FAT3: variants seen among roughly 807,000 people sequenced by gnomAD.
The protein encoded by FAT3 is protocadherin Fat 3.
FAT3 carries 95 observed loss-of-function variants against 310.2 expected under a neutral mutation model. The observed-to-expected ratio is 0.31, with a 90% confidence interval of 0.26 to 0.36. The LOEUF (loss-of-function observed/expected upper bound fraction) is 0.36, where lower values mean the gene tolerates loss of function less well. FAT3 is among the 10% of genes least tolerant of loss of function. The pLI, the probability that FAT3 is intolerant of heterozygous loss-of-function variation, is 1.00. For missense variants in FAT3, 5,408 were observed against 5,715.6 expected, an observed-to-expected ratio of 0.95 and a Z score of 1.74; for synonymous variants, 2,314 against 2,192.9, an observed-to-expected ratio of 1.06 and a Z score of -1.54.
At chr11:92,587,898 C>G (rs983986854) in intron 3 of FAT3, among the ~76,000 whole-genome samples, 1 of 152,014 alleles carries the variant, frequency 6.6e-6, no homozygotes, top group Non-Finnish European at 1.5e-5. Flanking sequence ...TATCTAAAGC[C>G]AAATCTAAAC....
chr11:92,869,196 C>G (rs912561845), intron 22 of FAT3, among the ~76,000 whole-genome samples: 1 of 152,264 alleles, frequency 6.6e-6, no homozygotes, highest in Non-Finnish European at 1.5e-5. Context: ...TCACCTTCAT[C>G]TACACAGTTC....
chr11:92,239,816 A>G (rs1708308830), intron 1 of FAT3, among the ~76,000 whole-genome samples: 1 of 152,116 alleles, frequency 6.6e-6, no homozygotes, highest in Non-Finnish European at 1.5e-5. Context: ...ATTTGCATAA[A>G]AGAGTCTTTG....
chr11:92,536,415 A>G (rs935243446), intron 3 of FAT3, among the ~76,000 whole-genome samples: 9 of 152,150 alleles, frequency 5.9e-5, no homozygotes, highest in Non-Finnish European at 1.0e-4. Context: ...TTGCATTTTG[A>G]TCCCAGCTTC....
chr11:92,890,911 A>G lies in FAT3; in HGVS notation c.13568A>G (p.Gln4523Arg), dbSNP rs2136448243. ...EFSTFAVSMNQGTEPTGPADS... is the reference protein window; with the variant it reads ...EFSTFAVSMNRGTEPTGPADS... ...AGTACTTTTGCTGTGAGCATGAACC[A>G]GGGCACAGAGCCCACAGGCCCAGCA... Residue 4523 changes from glutamine to arginine, a missense_variant, in exon 28 of 28, where the codon CAG becomes CGG. This residue lies in a region of FAT3 where 649 missense variants were observed against 666.2 expected (regional missense o/e 0.97). Coordinates refer to ENST00000525166, the MANE Select transcript of FAT3 (RefSeq NM_001367949.2). The G allele has an allele frequency of 1.2e-6, 2 of 1,614,030 alleles. No individual in the cohort carries two copies. The highest frequency in any genetic ancestry group is 1.7e-6 in the Non-Finnish European group (2 of 1,179,878).
chr11:92,615,604 G>T (rs1591523445), intron 3 of FAT3, among the ~76,000 whole-genome samples: 1 of 152,206 alleles, frequency 6.6e-6, no homozygotes, highest in Non-Finnish European at 1.5e-5. Context: ...GCTTTCTCTT[G>T]TGGGCATTTA....
At position 92,355,428 on chromosome 11, in the gene FAT3, G is replaced by A. The variant is rs370352970; in HGVS notation, c.3292+24G>A. 7 of 1,583,310 alleles carry A rather than the reference G, an allele frequency of 4.4e-6. No individual in the cohort carries two copies. In the African/African-American group the frequency reaches 6.7e-5, roughly 15 times the overall value. On this transcript the variant is annotated intron_variant, in intron 2 of 27. Coordinates refer to ENST00000525166, the MANE Select transcript of FAT3 (RefSeq NM_001367949.2). ...TGGTAAGTGTAATATTTTGTGCCAA[G>A]AGTGTTGTTTCACCTCTTTTAAATG...
chr11:92,643,417 A>G (rs925445779), intron 3 of FAT3, among the ~76,000 whole-genome samples: 1 of 152,204 alleles, frequency 6.6e-6, no homozygotes, highest in Admixed American at 6.5e-5. Context: ...GAAAGTTTGT[A>G]GGTTTTTCAT....
At chr11:92,703,886 GT>G (rs760488758) in intron 4 of FAT3, among the ~76,000 whole-genome samples, 9 of 152,174 alleles carry the variant, frequency 5.9e-5, no homozygotes, top group Admixed American at 1.3e-4. Context: ...ATTAGCTGCT[GT>G]CTTGGCATCA....
At chr11:92,365,798 C>T (rs1366697023) in intron 2 of FAT3, among the ~76,000 whole-genome samples, 4 of 152,204 alleles carry the variant, frequency 2.6e-5, no homozygotes, top group Non-Finnish European at 4.4e-5. Context: ...ACTCCTACCC[C>T]TCATAGGTCA....
intron 1 of FAT3, among the ~76,000 whole-genome samples, chr11:92,269,203 G>A (rs910074479): frequency 1.3e-5 from 2 of 150,096 alleles, no homozygotes; most frequent in Non-Finnish European, 1.5e-5. Context: ...GATATGACTC[G>A]CAATGTTGAC....
intron 1 of FAT3, among the ~76,000 whole-genome samples, chr11:92,265,530 G>T (rs1013491243): frequency 6.6e-5 from 10 of 152,072 alleles, no homozygotes; most frequent in Admixed American, 5.9e-4. Context: ...TCTGGTGTGG[G>T]GTTGGGAGAA....
intron 22 of FAT3, among the ~76,000 whole-genome samples, chr11:92,870,320 G>T (rs1416057728): frequency 6.6e-6 from 1 of 152,172 alleles, no homozygotes; most frequent in Non-Finnish European, 1.5e-5. Context: ...ACAGTCAGCA[G>T]GTTTGATCAG....
At chr11:92,333,572 G>T (rs1410420238) in intron 1 of FAT3, among the ~76,000 whole-genome samples, 1 of 152,110 alleles carries the variant, frequency 6.6e-6, no homozygotes, top group South Asian at 2.1e-4. Context: ...ATTTGGTGGA[G>T]AATTTGAAGC....
In FAT3 at chr11:92,296,291, A is replaced by G. The variant is rs1946845767; in HGVS notation, c.-17-55805A>G. 2.0e-5 allele frequency among the ~76,000 whole-genome samples: 3 copies of G among 152,266 alleles called. No homozygotes were observed. In the South Asian group the frequency reaches 6.2e-4, roughly 32 times the overall value. On this transcript the variant is annotated intron_variant, in intron 1 of 27. Coordinates refer to ENST00000525166, the MANE Select transcript of FAT3 (RefSeq NM_001367949.2). ...AAAATACTGAAGTCAAATCCTGATC[A>G]AATGTGTGGCCTTAAGCAAGTAACA... is the stretch of plus-strand genomic sequence containing the variant.
intron 2 of FAT3, among the ~76,000 whole-genome samples, chr11:92,476,261 G>T (rs1368992579): frequency 6.6e-6 from 1 of 152,146 alleles, no homozygotes; most frequent in Non-Finnish European, 1.5e-5. Context: ...GAAGCCACCT[G>T]AAAGCAATTG....
chr11:92,270,169 C>T (rs1017791787), intron 1 of FAT3, among the ~76,000 whole-genome samples: 3 of 152,114 alleles, frequency 2.0e-5, no homozygotes, highest in African/African-American at 7.2e-5. Context: ...CTACTTCCAT[C>T]TTCTTAAAAT....
At chr11:92,513,699 T>A (rs1953382484) in intron 2 of FAT3, among the ~76,000 whole-genome samples, 1 of 152,174 alleles carries the variant, frequency 6.6e-6, no homozygotes. Context: ...TAATTAGAAA[T>A]AAGCGTTAAA....
intron 1 of FAT3, among the ~76,000 whole-genome samples, chr11:92,253,645 A>G (rs967308070): frequency 6.6e-6 from 1 of 152,178 alleles, no homozygotes; most frequent in African/African-American, 2.4e-5. Context: ...AAGCTTAAGT[A>G]TGTGGGATTT....
chr11:92,352,161 T>C lies in FAT3; in HGVS notation c.49T>C (p.Cys17Arg), dbSNP rs1408833323. Residue 17 changes from cysteine (C) to arginine (R), a missense_variant, in exon 2 of 28, where the codon TGC becomes CGC. Cys to Arg is a radical substitution (Grantham distance 180, BLOSUM62 -3). Transcript: ENST00000525166. Reference protein sequence around the residue: ...HCVGTRPPACCLILLLFKLLA... With the variant: ...HCVGTRPPACRLILLLFKLLA... ...TGTGGGCACACGGCCTCCTGCTTGTTGCCTCATCCTCCTGCTTTTCAAGCT... is the reference window on the plus strand; with the variant it reads ...TGTGGGCACACGGCCTCCTGCTTGTCGCCTCATCCTCCTGCTTTTCAAGCT... The C allele has an allele frequency of 7.3e-7, 1 of 1,369,500 alleles. No individual in the cohort carries two copies. Among genetic ancestry groups the C allele is most frequent in the Non-Finnish European group, 9.8e-7 (1 of 1,023,580 alleles). 84.8% of individuals were successfully genotyped at this position (1,369,500 alleles called of 1,614,324 possible).
Sources: gnomAD v4.1 joint callset for allele counts (sites outside exome capture counted in the v4.1 genomes callset) on GRCh38, gnomAD v4.1.1 for gene constraint, gnomAD v4.1.1 regional missense constraint, MANE v1.5 for transcripts, NCBI Gene and HGNC (gene_info 2026-07-23, HGNC 2026-07-21) for gene names.